TUBA1C: variants seen among roughly 807,000 people sequenced by gnomAD.
The protein encoded by TUBA1C is tubulin alpha-1C chain.
Under a neutral mutation model 34.9 loss-of-function variants are expected in TUBA1C, and 16 were observed. The observed-to-expected ratio is 0.46, with a 90% CI of 0.31 to 0.70. The LOEUF (loss-of-function observed/expected upper bound fraction) is 0.70, where lower values mean the gene tolerates loss of function less well. TUBA1C is among the 30% of genes least tolerant of loss of function. The probability of loss-of-function intolerance (pLI) is 0.05; values close to 1 mark genes in which losing one functional copy is unlikely to be tolerated. For missense variants in TUBA1C, 329 were observed against 587.3 expected, an observed-to-expected ratio of 0.56 and a Z score of 4.55; for synonymous variants, 177 against 215.9, an observed-to-expected ratio of 0.82 and a Z score of 1.58.
At chr12:49,228,575 C>T (rs1393057452) in intron 1 of TUBA1C, among the ~76,000 whole-genome samples, 1 of 152,136 alleles carries the variant, frequency 6.6e-6, no homozygotes, top group East Asian at 1.9e-4. Context: ...TGAATACAGG[C>T]TATTGAAGCC....
chr12:49,269,483 C>T lies in TUBA1C; in HGVS notation c.22C>T (p.His8Tyr). The part of the protein sequence containing the change: MRECISI[H>Y]VGQAGVQIGN... The stretch of plus-strand genomic sequence containing the variant: ...CCCACAGCGTGAGTGCATCTCCATC[C>T]ACGTTGGCCAGGCTGGTGTCCAGAT... Residue 8 changes from histidine (H) to tyrosine (Y), a missense_variant, in exon 2 of 4, where the codon CAC (histidine) becomes TAC (tyrosine). His to Tyr is a moderately conservative substitution (Grantham distance 83). Transcript: ENST00000301072. 6.2e-7 allele frequency: 1 copy of T among 1,614,202 alleles called. No homozygotes were observed. The highest frequency in any genetic ancestry group is 8.5e-7 in the Non-Finnish European group (1 of 1,180,050).
intron 1 of TUBA1C, among the ~76,000 whole-genome samples, chr12:49,248,073 G>A (rs184923220): frequency 8.3e-4 from 125 of 150,546 alleles, no homozygotes; most frequent in Non-Finnish European, 1.2e-3. Flanking sequence ...TCAGGAGATC[G>A]AGACCATCCT....
chr12:49,247,892 G>A (rs1942688313), intron 1 of TUBA1C, among the ~76,000 whole-genome samples: 1 of 149,190 alleles, frequency 6.7e-6, no homozygotes, highest in Non-Finnish European at 1.5e-5. Context: ...AAGTTGCAGT[G>A]AGCCGAGATC....
chr12:49,248,797 G>A (rs1426067716), intron 1 of TUBA1C, among the ~76,000 whole-genome samples: 30 of 150,570 alleles, frequency 2.0e-4, no homozygotes, highest in Non-Finnish European at 4.0e-4. Context: ...GAACCCGGGA[G>A]GCGGAGCTTG....
At chr12:49,237,136 C>T (rs556502086) in intron 1 of TUBA1C, among the ~76,000 whole-genome samples, 7 of 152,110 alleles carry the variant, frequency 4.6e-5, no homozygotes, top group Admixed American at 1.3e-4. Context: ...GATAAAAATC[C>T]GGGCCAGGCA....
In TUBA1C at chr12:49,269,935, AAGG is replaced by A. The variant is rs1448097183; in HGVS notation, c.337_339del (p.Glu113del). 2.5e-6 allele frequency: 4 copies of A among 1,614,238 alleles called. No homozygotes were observed. Among genetic ancestry groups the A allele is most frequent in the Non-Finnish European group, 3.4e-6 (4 of 1,180,050 alleles). ...TGCCCGAGGGCACTACACCATTGGC[AAGG>A]AGATCATTGACCTCGTGTTGGACCG... On this transcript the variant is annotated inframe_deletion, in exon 3 of 4. Transcript: ENST00000301072.
At chr12:49,268,808 GA>G (rs1279935114) in intron 1 of TUBA1C, among the ~76,000 whole-genome samples, 1 of 152,128 alleles carries the variant, frequency 6.6e-6, no homozygotes, top group Non-Finnish European at 1.5e-5. Context: ...GTCTCCTAAA[GA>G]ATAGGATTAA....
At chr12:49,235,074 C>T (rs1372567130) in intron 1 of TUBA1C, among the ~76,000 whole-genome samples, 1 of 150,706 alleles carries the variant, frequency 6.6e-6, no homozygotes. Context: ...CCTCGGCCTC[C>T]CAAAGTGCTG....
chr12:49,234,683 C>T (rs1009527972), intron 1 of TUBA1C, among the ~76,000 whole-genome samples: 9 of 152,312 alleles, frequency 5.9e-5, no homozygotes, highest in Middle Eastern at 6.8e-3. Flanking sequence ...GGCGAGCGCG[C>T]CCCCGCCACG....
At chr12:49,249,296 G>A (rs1042674286) in intron 1 of TUBA1C, among the ~76,000 whole-genome samples, 2 of 151,728 alleles carry the variant, frequency 1.3e-5, no homozygotes, top group African/African-American at 2.4e-5. Flanking sequence ...GTGTGGTGGC[G>A]CATGCCTGTA....
At chr12:49,254,140 C>A (rs777717462) in intron 1 of TUBA1C, among the ~76,000 whole-genome samples, 1 of 152,044 alleles carries the variant, frequency 6.6e-6, no homozygotes, top group Non-Finnish European at 1.5e-5. Flanking sequence ...GGAGAAACCC[C>A]GTCTCTACTA....
At chr12:49,250,860 AAT>A (rs1487519865) in intron 1 of TUBA1C, among the ~76,000 whole-genome samples, 2 of 152,112 alleles carry the variant, frequency 1.3e-5, no homozygotes, top group Admixed American at 1.3e-4. Flanking sequence ...CTCAAGAAGA[AAT>A]AGGATATCCA....
At chr12:49,235,856 A>C (rs1411872244) in intron 1 of TUBA1C, among the ~76,000 whole-genome samples, 5 of 152,286 alleles carry the variant, frequency 3.3e-5, no homozygotes, top group Admixed American at 3.3e-4. Flanking sequence ...CATTTGTTAC[A>C]TTGCTGGTCT....
chr12:49,245,106 G>C (rs2136996990), intron 1 of TUBA1C, among the ~76,000 whole-genome samples: 1 of 152,260 alleles, frequency 6.6e-6, no homozygotes, highest in East Asian at 1.9e-4. Context: ...GACAGTTTCA[G>C]TACAGTGGTC....
intron 1 of TUBA1C, among the ~76,000 whole-genome samples, chr12:49,256,875 C>T (rs1420604283): frequency 6.6e-6 from 1 of 152,028 alleles, no homozygotes; most frequent in African/African-American, 2.4e-5. Flanking sequence ...TATTAATGTT[C>T]TTGGAGAGAA....
At chr12:49,231,639 A>G (rs1942498156) in intron 1 of TUBA1C, among the ~76,000 whole-genome samples, 1 of 152,196 alleles carries the variant, frequency 6.6e-6, no homozygotes. Context: ...CGTATGTGCC[A>G]TGGCTATTTT....
chr12:49,256,361 T>C (rs1467663358), intron 1 of TUBA1C: 1 of 438,932 alleles, frequency 2.3e-6, no homozygotes, highest in Non-Finnish European at 4.6e-6. Flanking sequence ...TTCTTTGTTT[T>C]GAACAAAAAT....
Position 49,273,047 on chromosome 12 carries a change from C to A in TUBA1C, c.1170C>A (p.Arg390=), listed in dbSNP as rs1943015468. ...CAGCTGTTGCCGAGGCCTGGGCTCG[C>A]CTGGACCACAAGTTTGACCTGATGT... The part of the protein sequence containing the change: ...NTTAVAEAWA[R]LDHKFDLMYA... Residue 390 remains arginine (R), a synonymous_variant, in exon 4 of 4, where the codon CGC becomes CGA. Transcript: ENST00000301072. The A allele has an allele frequency of 1.9e-6, 3 of 1,614,170 alleles. No homozygotes were observed. In the African/African-American group the frequency reaches 4.0e-5, roughly 22 times the overall value.
intron 1 of TUBA1C, among the ~76,000 whole-genome samples, chr12:49,257,357 G>A (rs1942795098): frequency 1.3e-5 from 2 of 152,122 alleles, no homozygotes; most frequent in African/African-American, 2.4e-5. Flanking sequence ...TAGGATTATC[G>A]TGAAGAATAA....
Sources: allele counts gnomAD v4.1 joint callset (sites outside exome capture counted in the v4.1 genomes callset), GRCh38; gene constraint gnomAD v4.1.1; transcripts MANE v1.5; gene names NCBI Gene and HGNC (gene_info 2026-07-23, HGNC 2026-07-21).